Variants in MDN1 observed in about 807,000 individuals in gnomAD.
MDN1 encodes the protein midasin AAA ATPase 1.
Under a neutral mutation model 669.2 loss-of-function variants are expected in MDN1, and 266 were observed. The ratio of observed to expected loss-of-function variants is 0.40; its 90% CI spans 0.36 to 0.44. The LOEUF (loss-of-function observed/expected upper bound fraction) is 0.44. Among genes scored for constraint, MDN1 ranks in the 20% least tolerant of loss-of-function variants. The pLI, the probability that MDN1 is intolerant of heterozygous loss-of-function variation, is 1.00. For missense variants in MDN1, 5,940 were observed against 6,754.0 expected (o/e 0.88, Z 4.22); for synonymous variants, 2,385 against 2,457.1 (o/e 0.97, Z 0.87).
At chr6:89,694,456 T>C (rs1812588401) in intron 61 of MDN1, among the ~76,000 whole-genome samples, 2 of 152,256 alleles carry the variant, frequency 1.3e-5, no homozygotes, top group African/African-American at 4.8e-5. Context: ...TTCTTCAAAA[T>C]ATGTACTAAC....
chr6:89,699,962 A>G, intron 57 of MDN1, 101 bp downstream of exon 57: 1 of 1,221,458 alleles, frequency 8.2e-7, no homozygotes, highest in South Asian at 1.5e-5. Context: ...TGCTTCGGTA[A>G]CCATCCCTAT....
intron 67 of MDN1, among the ~76,000 whole-genome samples, chr6:89,687,685 C>T (rs776215970): frequency 2.6e-5 from 4 of 152,182 alleles, no homozygotes; most frequent in Admixed American, 6.5e-5. Flanking sequence ...AGCCTGAATT[C>T]GTGCTCTTTG....
chr6:89,662,391 G>T (rs1160727812), intron 86 of MDN1, 152 bp from the exon 87 acceptor site: 2 of 733,428 alleles, frequency 2.7e-6, no homozygotes, highest in Admixed American at 5.9e-5. Flanking sequence ...AGAAAACAGT[G>T]CAGGTCTCCA....
intron 19 of MDN1, among the ~76,000 whole-genome samples, chr6:89,757,682 A>C (rs569508763): frequency 6.6e-6 from 1 of 152,330 alleles, no homozygotes; most frequent in African/African-American, 2.4e-5. Context: ...AGGTCGAGGC[A>C]GGCAGATCTC....
chr6:89,742,230 T>C (rs1015096375), intron 31 of MDN1, among the ~76,000 whole-genome samples: 1 of 152,294 alleles, frequency 6.6e-6, no homozygotes, highest in African/African-American at 2.4e-5. Context: ...CTAGCCAACA[T>C]GGCAAAACCC....
chr6:89,769,189 T>C (rs749636182), intron 15 of MDN1, among the ~76,000 whole-genome samples: 6 of 152,228 alleles, frequency 3.9e-5, no homozygotes, highest in Admixed American at 6.5e-5. Flanking sequence ...TATTTATCTT[T>C]TCCCTATCCC....
chr6:89,745,370 C>T lies in MDN1; in HGVS notation c.4081G>A (p.Gly1361Ser). The T allele has an allele frequency of 6.2e-7, 1 of 1,613,986 alleles. No individual in the cohort carries two copies. The highest frequency in any genetic ancestry group is 8.5e-7 in the Non-Finnish European group (1 of 1,179,966). Residue 1361 changes from glycine (G) to serine (S), a missense_variant, in exon 29 of 102, where the codon GGC becomes AGC. Coordinates refer to ENST00000369393, the MANE Select transcript of MDN1 (RefSeq NM_014611.3). ...ATGCCCTCAGTCCACACGATATGGC[C>T]AAAGTTACACTCCAATGTGGATATC... ...TQISTLECNF[G>S]HIVWTEGMRR...
intron 53 of MDN1, among the ~76,000 whole-genome samples, chr6:89,705,262 G>C (rs1044102007): frequency 2.6e-5 from 4 of 151,844 alleles, no homozygotes; most frequent in African/African-American, 9.7e-5. Context: ...CAAATTTATG[G>C]GTTTTTTTTA....
At chr6:89,804,183 T>C (rs1047753529) in intron 1 of MDN1, among the ~76,000 whole-genome samples, 1 of 152,148 alleles carries the variant, frequency 6.6e-6, no homozygotes, top group Non-Finnish European at 1.5e-5. Flanking sequence ...GTGCTGGGAT[T>C]ACAGGCGTGA....
intron 1 of MDN1, among the ~76,000 whole-genome samples, chr6:89,819,239 A>G (rs1022937051): frequency 6.6e-6 from 1 of 152,184 alleles, no homozygotes; most frequent in African/African-American, 2.4e-5. Context: ...CTCTGCCACA[A>G]GCAGCCAAAG....
Position 89,695,413 on chromosome 6 carries a change from G to A in MDN1, c.9771+192C>T, listed in dbSNP as rs1812668052. Among the ~76,000 whole-genome samples, 1 of 152,126 alleles carries A rather than the reference G, an allele frequency of 6.6e-6. No individual in the cohort carries two copies. The highest frequency in any genetic ancestry group is 2.4e-5 in the African/African-American group (1 of 41,396). On this transcript the variant is annotated intron_variant, in intron 61 of 101. Transcript: ENST00000369393. The surrounding 1 kb of genome is among the most constrained non-coding windows in gnomAD (Gnocchi z 4.1). ...AGGAAGGGCTCCTCCCAGAGCATGA[G>A]TATAGTCAGGACAACTCTCAAAGGG... is the stretch of plus-strand genomic sequence containing the variant.
Position 89,674,119 on chromosome 6 carries a change from G to T in MDN1, c.13232C>A (p.Thr4411Asn). The change falls in exon 79 of 102, where the codon ACT (threonine) becomes AAT (asparagine). Residue 4411 changes from threonine (T) to asparagine (N), a missense_variant. Thr to Asn is a moderately conservative substitution (Grantham distance 65). This residue lies in a region of MDN1 where 2,280 missense variants were observed against 2,576.3 expected (regional missense o/e 0.88). Transcript: ENST00000369393. ...ACACACTTACCAAGAATGAAAGAGA[G>T]TCTCACAAGACTGCTGTCTAATTTT... Reference protein sequence around the residue: ...VDKIRQQSCETLFHSWKDFEV... With the variant: ...VDKIRQQSCENLFHSWKDFEV... 1 of 1,613,942 alleles carries T rather than the reference G, an allele frequency of 6.2e-7. No individual in the cohort carries two copies. The highest frequency in any genetic ancestry group is 8.5e-7 in the Non-Finnish European group (1 of 1,179,874).
chr6:89,753,110 A>G (rs1817040573), intron 22 of MDN1, among the ~76,000 whole-genome samples: 1 of 152,104 alleles, frequency 6.6e-6, no homozygotes. Context: ...GCAACAGAGC[A>G]AGACTCTATC....
chr6:89,811,489 T>G (rs546208698), intron 1 of MDN1, among the ~76,000 whole-genome samples: 1 of 151,974 alleles, frequency 6.6e-6, no homozygotes, highest in African/African-American at 2.4e-5. Flanking sequence ...CAGGCTGGAG[T>G]GCAGTGGTAC....
intron 14 of MDN1, 140 bp from the exon 15 acceptor site, chr6:89,771,761 T>G: frequency 1.4e-6 from 1 of 692,244 alleles, no homozygotes. Flanking sequence ...CAGGGTGGAG[T>G]GCAGTGGCCC....
chr6:89,659,014 A>G (rs1809531705), intron 88 of MDN1, 97 bp from the exon 89 acceptor site: 9 of 1,251,382 alleles, frequency 7.2e-6, no homozygotes, highest in Non-Finnish European at 9.9e-6. Context: ...TCTTATTACA[A>G]TTCTCTAAAC....
Position 89,678,770 on chromosome 6 carries a change from G to A in MDN1, c.12266-25C>T, listed in dbSNP as rs371179210. Reference sequence around the variant, plus strand: ...CCTGTAAGGGAAAACAAGGCGGGGAGGGGAGACAATAAGAAAATCCCAGGG... The same window carrying A: ...CCTGTAAGGGAAAACAAGGCGGGGAAGGGAGACAATAAGAAAATCCCAGGG... On this transcript the variant is annotated intron_variant, in intron 74 of 101. Transcript: ENST00000369393. 3 of 1,596,364 alleles carry A rather than the reference G, an allele frequency of 1.9e-6. No individual in the cohort carries two copies. The African/African-American group carries it at 4.0e-5, about 21-fold the overall frequency.
In MDN1 at chr6:89,730,838, T is replaced by C; in HGVS notation, c.5028A>G (p.Val1676=). 1 of 1,614,128 alleles carries C rather than the reference T, an allele frequency of 6.2e-7. No homozygotes were observed. The highest frequency in any genetic ancestry group is 8.5e-7 in the Non-Finnish European group (1 of 1,179,992). The change falls in exon 35 of 102, where the codon GTA becomes GTG. Residue 1676 remains valine (V), a synonymous_variant. Coordinates refer to ENST00000369393, the MANE Select transcript of MDN1 (RefSeq NM_014611.3). ...CATTTTTCTGATATTCTGTAAGTCG[T>C]ACTATCTTGGCAAGCCTCTTGATTA... is the stretch of plus-strand genomic sequence containing the variant. ...KFLIKRLAKI[V]RLTEYQKNEL... is the part of the protein sequence containing the mutation.
chr6:89,752,376 A>G (rs1356060033), intron 22 of MDN1, among the ~76,000 whole-genome samples: 1 of 152,188 alleles, frequency 6.6e-6, no homozygotes, highest in Non-Finnish European at 1.5e-5. Flanking sequence ...CTGAGTCTTT[A>G]CTCAATGTTT....
Sources: allele counts gnomAD v4.1 joint callset (sites outside exome capture counted in the v4.1 genomes callset), GRCh38; gene constraint gnomAD v4.1.1; regional missense constraint gnomAD v4.1.1; non-coding constraint Gnocchi (gnomAD v3.1); transcripts MANE v1.5; gene names NCBI Gene and HGNC (gene_info 2026-07-23, HGNC 2026-07-21).